The following ANO3 variants were observed in gnomAD, a reference collection of about 807,000 sequenced individuals.
ANO3 encodes anoctamin 3.
In ANO3, 99 loss-of-function variants were observed where a neutral mutation model predicts 144.8. That is an observed-to-expected ratio of 0.68 (90% CI 0.58 to 0.81). The LOEUF is 0.81. ANO3 is among the 30% of genes least tolerant of loss of function. The pLI is 0.00. For missense variants in ANO3, 905 were observed against 1,202.2 expected, an observed-to-expected ratio of 0.75 and a Z score of 3.66; for synonymous variants, 414 against 392.6, an observed-to-expected ratio of 1.05 and a Z score of -0.64.
intron 4 of ANO3, among the ~76,000 whole-genome samples, chr11:26,492,055 T>C (rs1456335549): frequency 6.6e-6 from 1 of 152,202 alleles, no homozygotes; most frequent in Non-Finnish European, 1.5e-5. Context: ...TTCTGAAGTC[T>C]CTCACTCCAA....
intron 8 of ANO3, among the ~76,000 whole-genome samples, chr11:26,534,126 T>C (rs900562522): frequency 3.3e-5 from 5 of 152,188 alleles, no homozygotes; most frequent in African/African-American, 9.7e-5. Flanking sequence ...GTATGGGGGA[T>C]AACATGAATT....
At chr11:26,522,905 G>T (rs1862140408) in intron 6 of ANO3, among the ~76,000 whole-genome samples, 1 of 152,100 alleles carries the variant, frequency 6.6e-6, no homozygotes, top group Non-Finnish European at 1.5e-5. Context: ...ACAACCTATT[G>T]TAAGCGTGTT....
At chr11:26,251,458 A>G (rs920454582) in intron 1 of ANO3, among the ~76,000 whole-genome samples, 4 of 152,218 alleles carry the variant, frequency 2.6e-5, no homozygotes, top group African/African-American at 9.6e-5. Context: ...CCTTTTTGCT[A>G]TAGATCAAAA....
chr11:26,351,571 G>A (rs992890466), intron 1 of ANO3, among the ~76,000 whole-genome samples: 4 of 152,100 alleles, frequency 2.6e-5, no homozygotes, highest in African/African-American at 4.8e-5. Context: ...AAGATTCTGT[G>A]CGTCATGGTC....
chr11:26,485,656 CT>C (rs1860417030), intron 4 of ANO3, among the ~76,000 whole-genome samples: 1 of 152,142 alleles, frequency 6.6e-6, no homozygotes, highest in Non-Finnish European at 1.5e-5. Context: ...GTATGACTTC[CT>C]TTTGAAAAAT....
In ANO3 at chr11:26,246,837, C is replaced by A. The variant is rs866799926; in HGVS notation, c.154+57507C>A. Among the ~76,000 whole-genome samples the A allele has an allele frequency of 8.7e-4, 133 of 152,224 alleles. 1 individual carries two copies. The highest frequency in any genetic ancestry group is 3.0e-3 in the African/African-American group (124 of 41,542). ...CAGTTCCCCTGTCCAAGCCTTCTTG[C>A]CTACCTCCATGTAAGATGTGCCTTT... On this transcript the variant is annotated intron_variant, in intron 1 of 27. Coordinates refer to the ANO3 transcript ENST00000672621.
chr11:26,468,682 T>C (rs940941753), intron 4 of ANO3, among the ~76,000 whole-genome samples: 2 of 151,934 alleles, frequency 1.3e-5, no homozygotes, highest in African/African-American at 2.4e-5. Flanking sequence ...AAATTGTGTA[T>C]AGGACTTAGT....
At chr11:26,215,828 T>A (rs1852025388) in intron 1 of ANO3, among the ~76,000 whole-genome samples, 1 of 151,986 alleles carries the variant, frequency 6.6e-6, no homozygotes, top group Admixed American at 6.6e-5. Context: ...TACAGCCTCC[T>A]CCCGTTTTTC....
rs562667147 is a variant in ANO3 at position 26,593,819 on chromosome 11, C to T, written c.1448-4546C>T. On this transcript the variant is annotated intron_variant, in intron 14 of 26. Coordinates refer to ENST00000256737, the MANE Select transcript of ANO3 (RefSeq NM_031418.4). ...TCCCTGTTCCAGAGCCTCCAAAGTC[C>T]GCTTGCCGAGGGCCATGACTAAAGC... is the stretch of plus-strand genomic sequence containing the variant. 7.9e-5 allele frequency among the ~76,000 whole-genome samples: 12 copies of T among 152,262 alleles called. 1 individual carries two copies. In the East Asian group the frequency reaches 1.7e-3, roughly 22 times the overall value.
intron 1 of ANO3, among the ~76,000 whole-genome samples, chr11:26,289,691 T>A (rs868568794): frequency 3.0e-5 from 3 of 100,672 alleles, no homozygotes; most frequent in Non-Finnish European, 4.3e-5. Flanking sequence ...ACACATATAT[T>A]CTATATGTGT....
intron 1 of ANO3, among the ~76,000 whole-genome samples, chr11:26,406,988 A>T (rs1212188169): frequency 1.4e-5 from 2 of 143,886 alleles, no homozygotes; most frequent in Non-Finnish European, 3.0e-5. Context: ...ATATATATTT[A>T]TAGGTGTGTA....
intron 1 of ANO3, among the ~76,000 whole-genome samples, chr11:26,334,432 A>C (rs1019769046): frequency 3.3e-5 from 5 of 152,208 alleles, no homozygotes; most frequent in African/African-American, 1.2e-4. Flanking sequence ...AACAACAACA[A>C]AACATTCAGA....
At chr11:26,551,471 T>C (rs1849931418) in intron 12 of ANO3, among the ~76,000 whole-genome samples, 1 of 152,000 alleles carries the variant, frequency 6.6e-6, no homozygotes, top group Admixed American at 6.6e-5. Context: ...GTGATGATTT[T>C]TGTGTACCAT....
intron 1 of ANO3, among the ~76,000 whole-genome samples, chr11:26,366,711 C>T (rs1323490443): frequency 6.6e-6 from 1 of 151,778 alleles, no homozygotes; most frequent in Non-Finnish European, 1.5e-5. Flanking sequence ...TTTTGATTTG[C>T]ATTTCTCTGA....
chr11:26,222,054 C>T (rs1291431797), intron 1 of ANO3, among the ~76,000 whole-genome samples: 1 of 152,200 alleles, frequency 6.6e-6, no homozygotes, highest in Non-Finnish European at 1.5e-5. Flanking sequence ...AAAGTCTTAA[C>T]TTGTTTCAGT....
intron 18 of ANO3, among the ~76,000 whole-genome samples, chr11:26,625,201 A>G (rs1852544249): frequency 6.6e-6 from 1 of 152,236 alleles, no homozygotes; most frequent in South Asian, 2.1e-4. Context: ...CTGGGATTAC[A>G]GGCGTGAGCC....
chr11:26,514,377 G>T (rs1861783478), intron 5 of ANO3, among the ~76,000 whole-genome samples: 1 of 152,022 alleles, frequency 6.6e-6, no homozygotes, highest in Non-Finnish European at 1.5e-5. Context: ...AACATTTCTG[G>T]AGAATTTATT....
At chr11:26,398,747 TA>T (rs1857078100) in intron 1 of ANO3, among the ~76,000 whole-genome samples, 1 of 151,956 alleles carries the variant, frequency 6.6e-6, no homozygotes, top group Non-Finnish European at 1.5e-5. Flanking sequence ...AAGTGTTCCG[TA>T]AAAATCCGGG....
At chr11:26,531,075 G>A in intron 7 of ANO3, 130 bp from the exon 8 acceptor site, 1 of 933,724 alleles carries the variant, frequency 1.1e-6, no homozygotes, top group Admixed American at 2.5e-5. Context: ...GCACGTGTAT[G>A]TGTGGTGTGT....
Sources: allele counts gnomAD v4.1 joint callset (sites outside exome capture counted in the v4.1 genomes callset), GRCh38; gene constraint gnomAD v4.1.1; transcripts MANE v1.5; gene names NCBI Gene and HGNC (gene_info 2026-07-23, HGNC 2026-07-21).